The following TENM1 variants were observed in gnomAD, a reference collection of about 807,000 sequenced individuals.
TENM1 encodes teneurin-1.
Under a neutral mutation model 174.8 loss-of-function variants are expected in TENM1, and 35 were observed. That is an observed-to-expected ratio of 0.20 (90% CI 0.15 to 0.27). The LOEUF (loss-of-function observed/expected upper bound fraction) is 0.27. Ranked by LOEUF, TENM1 falls within the 10% of genes least tolerant of loss-of-function variation. TENM1 has a pLI of 1.00. For synonymous variants in TENM1, 781 were observed against 798.7 expected (o/e 0.98, Z 0.37); for missense variants, 1,633 against 2,130.1 (o/e 0.77, Z 4.59).
At chrX:124,564,489 C>T (rs781380357) in intron 12 of TENM1, among the ~76,000 whole-genome samples, 40 of 111,398 alleles carry the variant, frequency 3.6e-4, no homozygotes, top group Non-Finnish European at 5.8e-4. Context: ...TGCCTTTGCT[C>T]TGCATGAATT....
At chrX:124,961,825 C>G (rs775981323) in intron 1 of TENM1, among the ~76,000 whole-genome samples, 13 of 110,141 alleles carry the variant, frequency 1.2e-4, no homozygotes, top group Non-Finnish European at 1.7e-4. Flanking sequence ...AATTGTATCC[C>G]AAGAAAGATG....
chrX:124,402,002 GATTA>G (rs1343084557), intron 27 of TENM1, among the ~76,000 whole-genome samples: 1 of 111,155 alleles, frequency 9.0e-6, no homozygotes, highest in Admixed American at 9.5e-5. Context: ...ATGATTTATA[GATTA>G]ATTATTTTAA....
chrX:124,586,632 G>C (rs1197979851), intron 11 of TENM1, among the ~76,000 whole-genome samples: 124 of 107,724 alleles, frequency 1.2e-3, no homozygotes, highest in East Asian at 4.1e-3. Flanking sequence ...TGGCACAAGA[G>C]AGGGATGCCC....
At chrX:124,700,626 C>A (rs2052754515) in intron 5 of TENM1, among the ~76,000 whole-genome samples, 1 of 111,138 alleles carries the variant, frequency 9.0e-6, no homozygotes, top group African/African-American at 3.3e-5. Context: ...TATTTATCTA[C>A]ATTTAGCAAA....
intron 20 of TENM1, among the ~76,000 whole-genome samples, chrX:124,495,732 A>G (rs765373168): frequency 9.7e-6 from 1 of 103,065 alleles, no homozygotes; most frequent in East Asian, 3.1e-4. Flanking sequence ...ATACAAAGAA[A>G]TGGAAGAACA....
the TENM1 span, among the ~76,000 whole-genome samples, chrX:125,033,540 G>A: frequency 8.9e-6 from 1 of 111,873 alleles, no homozygotes; most frequent in South Asian, 3.8e-4. Context: ...GAAGTTGAGA[G>A]TAGAAAAAGC....
chrX:124,393,151 T>G (rs1983445086), intron 27 of TENM1, among the ~76,000 whole-genome samples: 1 of 111,500 alleles, frequency 9.0e-6, no homozygotes, highest in African/African-American at 3.3e-5. Context: ...CAAGGGATCT[T>G]GAACTGGATT....
the TENM1 span, among the ~76,000 whole-genome samples, chrX:125,025,365 T>C: frequency 3.6e-5 from 4 of 111,400 alleles, no homozygotes; most frequent in Admixed American, 9.6e-5. Context: ...ACACAGAAAT[T>C]CAAATTAACT....
chrX:125,164,799 G>A, the TENM1 span, among the ~76,000 whole-genome samples: 1 of 111,707 alleles, frequency 9.0e-6, no homozygotes, highest in South Asian at 3.7e-4. Flanking sequence ...ATTTGTATAA[G>A]TATGCCATCG....
intron 23 of TENM1, among the ~76,000 whole-genome samples, chrX:124,446,722 C>T (rs921702624): frequency 8.9e-6 from 1 of 112,764 alleles, no homozygotes; most frequent in African/African-American, 3.2e-5. Context: ...GGTTGTATTT[C>T]TGTGGAGACA....
rs200125468 is a variant in TENM1, at chrX:124,589,352, TTTGTTGTTGTTGTTG to T, written c.2078-23807_2078-23793del. Among the ~76,000 whole-genome samples the T allele has an allele frequency of 8.2e-4, 86 of 104,765 alleles. 2 individuals carry two copies. Among genetic ancestry groups the T allele is most frequent in the Middle Eastern group, 4.7e-3 (1 of 212 alleles). 91.0% of individuals were successfully genotyped at this position (104,765 alleles called of 115,157 possible). The stretch of plus-strand genomic sequence containing the variant: ...GTTCAACAGGGATACTGGCCTGTAG[TTTGTTGTTGTTGTTG>T]TTGTTGTTGTTGTTGTTGTTGTTGT... On this transcript the variant is annotated intron_variant, in intron 11 of 31. Transcript: ENST00000422452.
chrX:125,095,992 T>C, the TENM1 span, among the ~76,000 whole-genome samples: 2 of 112,082 alleles, frequency 1.8e-5, no homozygotes, highest in Non-Finnish European at 3.8e-5. Context: ...TTTTTACTAA[T>C]TTGGGAGATT....
At chrX:124,844,930 G>C (rs1397284144) in intron 3 of TENM1, among the ~76,000 whole-genome samples, 1 of 111,137 alleles carries the variant, frequency 9.0e-6, no homozygotes, top group Non-Finnish European at 1.9e-5. Flanking sequence ...TAAAACTACA[G>C]ATTCATAGAC....
chrX:124,604,870 A>G (rs1326522514), intron 11 of TENM1, among the ~76,000 whole-genome samples: 1 of 109,953 alleles, frequency 9.1e-6, no homozygotes, highest in Non-Finnish European at 1.9e-5. Flanking sequence ...CAAAGGAGAT[A>G]CTTCTTAGAA....
chrX:125,086,547 T>C, the TENM1 span, among the ~76,000 whole-genome samples: 1 of 111,312 alleles, frequency 9.0e-6, no homozygotes, highest in Non-Finnish European at 1.9e-5. Flanking sequence ...GCATTTTTCT[T>C]GCTGGAATAA....
intron 10 of TENM1, among the ~76,000 whole-genome samples, chrX:124,643,795 C>T (rs2051078710): frequency 9.1e-6 from 1 of 109,913 alleles, no homozygotes; most frequent in Non-Finnish European, 1.9e-5. Flanking sequence ...TTTAAGTGAA[C>T]TCTTTTCTAA....
chrX:124,614,748 T>C (rs1223659067), intron 11 of TENM1, among the ~76,000 whole-genome samples: 2 of 112,185 alleles, frequency 1.8e-5, no homozygotes, highest in African/African-American at 6.5e-5. Context: ...CTGGGCGTGG[T>C]GGTGCATGTC....
chrX:125,151,710 C>A, the TENM1 span, among the ~76,000 whole-genome samples: 1 of 111,570 alleles, frequency 9.0e-6, no homozygotes, highest in East Asian at 2.8e-4. Context: ...ATTTTGCTCT[C>A]CAACCCCAAC....
At chrX:124,705,565 T>C (rs1421571656) in intron 4 of TENM1, among the ~76,000 whole-genome samples, 1 of 111,594 alleles carries the variant, frequency 9.0e-6, no homozygotes, top group African/African-American at 3.3e-5. Context: ...TCATTAAATA[T>C]GATCATCAAG....
Sources: gnomAD v4.1 joint callset for allele counts (sites outside exome capture counted in the v4.1 genomes callset) on GRCh38, gnomAD v4.1.1 for gene constraint, MANE v1.5 for transcripts, NCBI Gene and HGNC (gene_info 2026-07-23, HGNC 2026-07-21) for gene names.